Variants in FAT3 observed in about 807,000 individuals in gnomAD.
FAT3 encodes the protein protocadherin Fat 3.
A neutral mutation model predicts 310.2 loss-of-function variants in FAT3; 95 were observed. That is an observed-to-expected ratio of 0.31 (90% confidence interval 0.26 to 0.36). FAT3 has a LOEUF of 0.36. Among genes scored for constraint, FAT3 ranks in the 10% least tolerant of loss-of-function variants. The probability of loss-of-function intolerance (pLI) is 1.00; values close to 1 mark genes in which losing one functional copy is unlikely to be tolerated. For missense variants in FAT3, 5,408 were observed against 5,715.6 expected (o/e 0.95, Z 1.74); for synonymous variants, 2,314 against 2,192.9 (o/e 1.06, Z -1.54).
At chr11:92,465,132 G>T (rs1449881581) in intron 2 of FAT3, among the ~76,000 whole-genome samples, 2 of 152,078 alleles carry the variant, frequency 1.3e-5, no homozygotes, top group African/African-American at 4.8e-5. Flanking sequence ...TACAATAATG[G>T]CAAGGAAAAA....
intron 4 of FAT3, among the ~76,000 whole-genome samples, chr11:92,721,137 A>G (rs1287204776): frequency 1.3e-5 from 2 of 152,200 alleles, no homozygotes; most frequent in Non-Finnish European, 2.9e-5. Context: ...CCCCAATACC[A>G]TGTGTCCAAT....
intron 1 of FAT3, among the ~76,000 whole-genome samples, chr11:92,273,924 C>G (rs1032936555): frequency 2.6e-5 from 4 of 151,934 alleles, no homozygotes; most frequent in Non-Finnish European, 4.4e-5. Flanking sequence ...TATAATAAAC[C>G]AACTTTATGA....
chr11:92,763,239 C>T (rs1025153685), intron 5 of FAT3, among the ~76,000 whole-genome samples: 39 of 152,030 alleles, frequency 2.6e-4, no homozygotes, highest in African/African-American at 8.7e-4. Context: ...TTATTTTAAA[C>T]GATGGCCTGA....
chr11:92,577,876 C>T (rs7927413), intron 3 of FAT3, among the ~76,000 whole-genome samples: 2,079 of 151,144 alleles, frequency 0.014, 37 homozygotes, highest in African/African-American at 0.037. Flanking sequence ...TTCTATTATG[C>T]CTTGTGGGAA....
chr11:92,369,090 C>T (rs1949113547), intron 2 of FAT3, among the ~76,000 whole-genome samples: 1 of 152,076 alleles, frequency 6.6e-6, no homozygotes, highest in African/African-American at 2.4e-5. Flanking sequence ...GCTGCAACCA[C>T]TTCACCTAAT....
intron 1 of FAT3, among the ~76,000 whole-genome samples, chr11:92,266,765 G>A (rs1182181378): frequency 4.6e-5 from 7 of 152,064 alleles, no homozygotes; most frequent in African/African-American, 1.4e-4. Context: ...TTGTTGGGAT[G>A]GTGAATATTT....
At chr11:92,229,490 G>GTTTCTT in intron 1 of FAT3, among the ~76,000 whole-genome samples, 1 of 46,842 alleles carries the variant, frequency 2.1e-5, no homozygotes, top group East Asian at 4.3e-4. Flanking sequence ...TTGTTTTTTC[G>GTTTCTT]TGTTTTTTTT....
chr11:92,510,565 A>C (rs774261200), intron 2 of FAT3, among the ~76,000 whole-genome samples: 84 of 152,194 alleles, frequency 5.5e-4, no homozygotes, highest in Non-Finnish European at 1.1e-3. Context: ...ATCCTATAAA[A>C]ATGGGTCCTG....
At chr11:92,708,775 T>A (rs1021658554) in intron 4 of FAT3, among the ~76,000 whole-genome samples, 5 of 152,242 alleles carry the variant, frequency 3.3e-5, no homozygotes, top group Non-Finnish European at 5.9e-5. Context: ...AAAAATATAT[T>A]AATTTTTTTG....
intron 2 of FAT3, among the ~76,000 whole-genome samples, chr11:92,516,755 C>T (rs1184989613): frequency 1.3e-5 from 2 of 152,060 alleles, no homozygotes; most frequent in African/African-American, 4.8e-5. Flanking sequence ...GTCTCAGCCC[C>T]AAATTTCCTT....
intron 2 of FAT3, among the ~76,000 whole-genome samples, chr11:92,501,208 G>C (rs369027173): frequency 6.6e-6 from 1 of 152,006 alleles, no homozygotes; most frequent in African/African-American, 2.4e-5. Context: ...TCTTCAGCTG[G>C]GGGTATTTCT....
intron 1 of FAT3, among the ~76,000 whole-genome samples, chr11:92,226,728 C>A (rs1202826970): frequency 6.6e-6 from 1 of 152,058 alleles, no homozygotes; most frequent in African/African-American, 2.4e-5. Flanking sequence ...CTCTGGCACG[C>A]GGAATCTGGT....
intron 3 of FAT3, among the ~76,000 whole-genome samples, chr11:92,528,252 G>T (rs1484133680): frequency 6.6e-6 from 1 of 152,174 alleles, no homozygotes; most frequent in African/African-American, 2.4e-5. Flanking sequence ...AAGCTGTAAT[G>T]CTGTGTGGTT....
intron 1 of FAT3, among the ~76,000 whole-genome samples, chr11:92,273,739 A>G (rs1044441724): frequency 2.0e-5 from 3 of 152,232 alleles, no homozygotes; most frequent in South Asian, 2.1e-4. Context: ...CTGAGGATTA[A>G]GTTAATGTCT....
At chr11:92,507,476 G>T (rs933712280) in intron 2 of FAT3, among the ~76,000 whole-genome samples, 9 of 151,510 alleles carry the variant, frequency 5.9e-5, no homozygotes, top group Admixed American at 4.6e-4. Context: ...TATATGTGTG[G>T]GGGTGTGTGT....
chr11:92,336,321 G>T, intron 1 of FAT3: 1 of 441,654 alleles, frequency 2.3e-6, no homozygotes, highest in South Asian at 1.9e-5. Context: ...CTCAGGATCT[G>T]GGTCCTCCTG....
intron 4 of FAT3, among the ~76,000 whole-genome samples, chr11:92,741,304 T>C (rs1157906225): frequency 6.6e-6 from 1 of 152,050 alleles, no homozygotes; most frequent in African/African-American, 2.4e-5. Context: ...ACCTCACAAA[T>C]TGCTGGTGTT....
intron 2 of FAT3, among the ~76,000 whole-genome samples, chr11:92,420,485 A>C (rs546756977): frequency 6.6e-6 from 1 of 152,160 alleles, no homozygotes; most frequent in Non-Finnish European, 1.5e-5. Context: ...CACTCAACTT[A>C]GTATCGAGTG....
intron 1 of FAT3, among the ~76,000 whole-genome samples, chr11:92,310,906 G>GT (rs1292954086): frequency 6.6e-6 from 1 of 151,702 alleles, no homozygotes; most frequent in African/African-American, 2.4e-5. Flanking sequence ...TTTGAGCGTA[G>GT]GGTACAACCA....
Sources: allele counts gnomAD v4.1 joint callset (sites outside exome capture counted in the v4.1 genomes callset), GRCh38; gene constraint gnomAD v4.1.1; transcripts MANE v1.5; gene names NCBI Gene and HGNC (gene_info 2026-07-23, HGNC 2026-07-21).